The following SCLT1 variants were observed in gnomAD, a reference collection of about 807,000 sequenced individuals.
The protein encoded by SCLT1 is sodium channel-associated protein 1.
In SCLT1, 78 loss-of-function variants were observed where a neutral mutation model predicts 112.8. The ratio of observed to expected loss-of-function variants is 0.69; its 90% CI spans 0.58 to 0.83. The LOEUF (loss-of-function observed/expected upper bound fraction) is 0.83, where lower values mean the gene tolerates loss of function less well. SCLT1 is among the 40% of genes least tolerant of loss of function. The probability of loss-of-function intolerance (pLI) is 0.00; values close to 1 mark genes in which losing one functional copy is unlikely to be tolerated. For missense variants in SCLT1, 747 were observed against 770.4 expected (o/e 0.97, Z 0.36); for synonymous variants, 257 against 254.7 (o/e 1.01, Z -0.09).
rs1747946842 is a variant in SCLT1 at position 129,044,011 on chromosome 4, T to C, written c.143A>G (p.Asn48Ser). The C allele has an allele frequency of 1.3e-6, 2 of 1,548,470 alleles. No individual in the cohort carries two copies. Among genetic ancestry groups the C allele is most frequent in the Non-Finnish European group, 1.8e-6 (2 of 1,127,046 alleles). Residue 48 changes from asparagine to serine, a missense_variant, in exon 3 of 21, where the codon AAC becomes AGC. Physicochemically the swap from Asn to Ser is conservative, Grantham distance 46. Around this residue, in one of 2 missense-constraint regions of SCLT1, gnomAD observed 723 missense variants for 721.3 expected, o/e 1.00. Transcript: ENST00000281142. Reference sequence around the variant, plus strand: ...ACTTTACCTTTGGTCAAATACTAGGTTTTCAAATGTGTCGTCTCCTTCTCC... The same window carrying C: ...ACTTTACCTTTGGTCAAATACTAGGCTTTCAAATGTGTCGTCTCCTTCTCC... ...CQGEGDDTFE[N>S]LVFDQSFLAP...
At chr4:128,996,824 A>C (rs1204929956) in intron 8 of SCLT1, among the ~76,000 whole-genome samples, 1 of 152,074 alleles carries the variant, frequency 6.6e-6, no homozygotes, top group East Asian at 1.9e-4. Flanking sequence ...GGAATATACA[A>C]CATCCTTTTC....
At chr4:129,072,877 T>C (rs1008197168) in intron 2 of SCLT1, among the ~76,000 whole-genome samples, 7 of 152,094 alleles carry the variant, frequency 4.6e-5, no homozygotes, top group Non-Finnish European at 1.0e-4. Context: ...CTGAAGAGCC[T>C]TGTTTTGTCA....
intron 16 of SCLT1, among the ~76,000 whole-genome samples, chr4:128,943,673 T>C (rs1737904915): frequency 6.6e-6 from 1 of 152,184 alleles, no homozygotes; most frequent in African/African-American, 2.4e-5. Context: ...CTTCTAGTTC[T>C]GTAAACTTCT....
intron 9 of SCLT1, among the ~76,000 whole-genome samples, chr4:128,978,645 G>A (rs935130198): frequency 2.6e-5 from 4 of 152,016 alleles, no homozygotes; most frequent in African/African-American, 9.7e-5. Flanking sequence ...GAGGGGGGCT[G>A]AATCCAAACT....
chr4:128,883,061 G>A (rs376403300), downstream of SCLT1, among the ~76,000 whole-genome samples: 20 of 150,036 alleles, frequency 1.3e-4, no homozygotes, highest in Non-Finnish European at 2.5e-4. Context: ...CAGGAGAATC[G>A]CTTGAACCTG....
rs949524186 is a variant in SCLT1, at chr4:129,070,512, T to C, written c.102+11794A>G. ...AGGGTTGTATTTTTGCAGGAATTTA[T>C]CCATCTCTTCTAGGTTTTCTAGTTT... is the stretch of plus-strand genomic sequence containing the variant. On this transcript the variant is annotated intron_variant, in intron 2 of 20. Coordinates refer to ENST00000281142, the MANE Select transcript of SCLT1 (RefSeq NM_144643.4). Among the ~76,000 whole-genome samples the C allele has an allele frequency of 1.2e-4, 18 of 152,178 alleles. 2 individuals carry two copies.
rs946600731 is a variant in SCLT1 at position 129,093,246 on chromosome 4, G to A, written c.-143C>T. On this transcript the variant is annotated 5_prime_UTR_variant, in exon 1 of 21. Transcript: ENST00000281142. The stretch of plus-strand genomic sequence containing the variant: ...GCGGTGCAATCTGCATCCTACTCAC[G>A]CGGCATCTACAGCCCCGCCACGCTT... 1.1e-5 allele frequency: 8 copies of A among 713,364 alleles called. No homozygotes were observed. Among genetic ancestry groups the A allele is most frequent in the East Asian group, 7.8e-5 (3 of 38,300 alleles). 44.2% of individuals were successfully genotyped at this position (713,364 alleles called of 1,614,324 possible). A position where few individuals can be genotyped will look rare whatever the true frequency, so the allele number is the denominator to read the frequency against.
In SCLT1 at chr4:128,969,298, C is replaced by A. The variant is rs57542268; in HGVS notation, c.777+1080G>T. Reference sequence around the variant, plus strand: ...TTTAAATTTCCTATTGCTGGCCGGGCGCGGTGGCTCACACCTGTAATCCCA... The same window carrying A: ...TTTAAATTTCCTATTGCTGGCCGGGAGCGGTGGCTCACACCTGTAATCCCA... On this transcript the variant is annotated intron_variant, in intron 10 of 20. Coordinates refer to ENST00000281142, the MANE Select transcript of SCLT1 (RefSeq NM_144643.4). Among the ~76,000 whole-genome samples, 576 of 152,148 alleles carry A rather than the reference C, an allele frequency of 3.8e-3. 1 individual carries two copies. The highest frequency in any genetic ancestry group is 0.011 in the African/African-American group (473 of 41,512).
chr4:128,992,084 C>A, intron 9 of SCLT1, 83 bp downstream of exon 9: 1 of 829,292 alleles, frequency 1.2e-6, no homozygotes, highest in Non-Finnish European at 2.0e-6. Flanking sequence ...AAAAAAACAC[C>A]CATGGGGAAA....
chr4:128,879,892 CTGA>C (rs1219202417), downstream of SCLT1, among the ~76,000 whole-genome samples: 1 of 152,096 alleles, frequency 6.6e-6, no homozygotes, highest in African/African-American at 2.4e-5. Context: ...ATATTATGCT[CTGA>C]TAACTTTTTC....
chr4:128,894,363 A>AACACACACACAC (rs10522940), intron 18 of SCLT1, among the ~76,000 whole-genome samples: 3 of 143,018 alleles, frequency 2.1e-5, no homozygotes, highest in African/African-American at 5.1e-5. Context: ...TTGAGTAAGT[A>AACACACACACAC]ACACACACAC....
downstream of SCLT1, among the ~76,000 whole-genome samples, chr4:128,879,700 T>C (rs1337540296): frequency 2.0e-5 from 3 of 152,326 alleles, no homozygotes; most frequent in Admixed American, 2.0e-4. Flanking sequence ...ACATTATTAA[T>C]ACACATAAGC....
intron 5 of SCLT1, among the ~76,000 whole-genome samples, chr4:129,006,851 T>C (rs1744073432): frequency 6.6e-6 from 1 of 152,224 alleles, no homozygotes; most frequent in African/African-American, 2.4e-5. Context: ...TTCTAAGACA[T>C]CATTATTTTT....
rs143707326 is a variant in SCLT1 at position 128,999,330 on chromosome 4, ATTTTG to A, written c.549+337_549+341del. On this transcript the variant is annotated intron_variant, in intron 7 of 20. Transcript: ENST00000281142. Reference sequence around the variant, plus strand: ...TTCACTGGCCATAAACTAATAAACAATTTTGTTTTGTTTTGTTTTAAAAGTCAGGT... The same window carrying A: ...TTCACTGGCCATAAACTAATAAACAATTTTGTTTTGTTTTAAAAGTCAGGT... Among the ~76,000 whole-genome samples the A allele has an allele frequency of 3.7e-3, 568 of 152,064 alleles. 1 individual carries two copies. The highest frequency in any genetic ancestry group is 0.011 in the African/African-American group (473 of 41,552).
intron 4 of SCLT1, chr4:129,040,144 G>C (rs1747575199): frequency 1.4e-6 from 1 of 702,338 alleles, no homozygotes; most frequent in Non-Finnish European, 2.6e-6. Flanking sequence ...TGGTCTAGGA[G>C]ATCAGAATAG....
chr4:129,000,459 G>A (rs1743377624), intron 6 of SCLT1, among the ~76,000 whole-genome samples: 1 of 151,906 alleles, frequency 6.6e-6, no homozygotes, highest in Non-Finnish European at 1.5e-5. Context: ...TTATCTAAGT[G>A]TGGTACAGAA....
chr4:128,879,020 CTAATG>C (rs1732584112), downstream of SCLT1, among the ~76,000 whole-genome samples: 4 of 151,682 alleles, frequency 2.6e-5, no homozygotes, highest in Admixed American at 2.0e-4. Flanking sequence ...GGAGATATAA[CTAATG>C]TAAATGACGA....
chr4:128,989,882 C>T (rs1359331342), intron 9 of SCLT1, among the ~76,000 whole-genome samples: 1 of 151,704 alleles, frequency 6.6e-6, no homozygotes, highest in Non-Finnish European at 1.5e-5. Context: ...AAACATCCAA[C>T]CTACCAAGAT....
At chr4:128,931,373 C>T (rs577340965) in intron 18 of SCLT1, among the ~76,000 whole-genome samples, 3 of 152,134 alleles carry the variant, frequency 2.0e-5, no homozygotes, top group East Asian at 1.9e-4. Flanking sequence ...TTTCAGCATT[C>T]GACTATCTTT....
Sources: gnomAD v4.1 joint callset for allele counts (sites outside exome capture counted in the v4.1 genomes callset) on GRCh38, gnomAD v4.1.1 for gene constraint, gnomAD v4.1.1 regional missense constraint, MANE v1.5 for transcripts, NCBI Gene and HGNC (gene_info 2026-07-23, HGNC 2026-07-21) for gene names.